MBOAT2: variants seen among roughly 807,000 people sequenced by gnomAD.
The protein encoded by MBOAT2 is membrane bound glycerophospholipid O-acyltransferase 2, also known as membrane-bound glycerophospholipid O-acyltransferase 2.
MBOAT2 carries 28 observed loss-of-function variants against 63.4 expected under a neutral mutation model. The ratio of observed to expected loss-of-function variants is 0.44; its 90% confidence interval spans 0.33 to 0.61. The LOEUF is 0.61. Ranked by LOEUF, MBOAT2 falls within the 20% of genes least tolerant of loss-of-function variation. The pLI is 0.03. For synonymous variants in MBOAT2, 211 were observed against 215.6 expected (o/e 0.98, Z 0.19); for missense variants, 470 against 605.8 (o/e 0.78, Z 2.35).
intron 1 of MBOAT2, among the ~76,000 whole-genome samples, chr2:8,970,234 C>T (rs1670347424): frequency 6.6e-6 from 1 of 152,206 alleles, no homozygotes; most frequent in African/African-American, 2.4e-5. Context: ...AACCACTAAA[C>T]TACATGGAAA....
chr2:8,897,532 T>C (rs1252537139), intron 4 of MBOAT2, among the ~76,000 whole-genome samples: 1 of 152,250 alleles, frequency 6.6e-6, no homozygotes, highest in Non-Finnish European at 1.5e-5. Context: ...TACACATTTA[T>C]TCTTTTTCCC....
At chr2:8,995,960 T>A (rs1466768482) in intron 1 of MBOAT2, among the ~76,000 whole-genome samples, 5 of 152,154 alleles carry the variant, frequency 3.3e-5, no homozygotes, top group African/African-American at 1.2e-4. Flanking sequence ...CTGTTATCTG[T>A]GATGGTGGTG....
chr2:8,984,977 T>C (rs2103346440), intron 1 of MBOAT2, among the ~76,000 whole-genome samples: 2 of 152,238 alleles, frequency 1.3e-5, no homozygotes, highest in South Asian at 4.1e-4. Flanking sequence ...AAAGAAAAGC[T>C]GGCGGCTACA....
chr2:8,957,238 T>C (rs747842969), intron 2 of MBOAT2, among the ~76,000 whole-genome samples: 1 of 152,200 alleles, frequency 6.6e-6, no homozygotes, highest in Non-Finnish European at 1.5e-5. Flanking sequence ...ATCAAAAGTT[T>C]GAAAAATATA....
At chr2:8,863,136 T>A (rs897361803) in intron 10 of MBOAT2, among the ~76,000 whole-genome samples, 7 of 152,180 alleles carry the variant, frequency 4.6e-5, no homozygotes, top group Non-Finnish European at 5.9e-5. Context: ...ACAATTCTTC[T>A]ATGACAGGGA....
intron 2 of MBOAT2, among the ~76,000 whole-genome samples, chr2:8,949,799 T>C (rs1313119220): frequency 6.6e-6 from 1 of 152,234 alleles, no homozygotes; most frequent in Non-Finnish European, 1.5e-5. Flanking sequence ...TCATTTTGCT[T>C]AAGATTGCTT....
At chr2:8,882,628 T>A in intron 5 of MBOAT2, 63 bp from the exon 6 acceptor site, 3 of 1,431,382 alleles carry the variant, frequency 2.1e-6, no homozygotes, top group South Asian at 1.1e-5. Context: ...TTTTTGCCCA[T>A]GCACACTTTC....
At chr2:8,994,127 T>C (rs1457187239) in intron 1 of MBOAT2, among the ~76,000 whole-genome samples, 1 of 152,178 alleles carries the variant, frequency 6.6e-6, no homozygotes, top group Non-Finnish European at 1.5e-5. Flanking sequence ...CCCTGCGGAC[T>C]CTAAACATGC....
At chr2:8,918,211 G>A (rs768796696) in intron 3 of MBOAT2, among the ~76,000 whole-genome samples, 3 of 152,110 alleles carry the variant, frequency 2.0e-5, no homozygotes, top group Non-Finnish European at 2.9e-5. Context: ...TAGATAAGTC[G>A]TACTTAAATA....
At chr2:8,887,016 C>T (rs1470203751) in intron 5 of MBOAT2, among the ~76,000 whole-genome samples, 1 of 152,152 alleles carries the variant, frequency 6.6e-6, no homozygotes, top group African/African-American at 2.4e-5. Context: ...AAAAAACCCT[C>T]CAAGCTGAAT....
chr2:8,938,807 C>T (rs1429426123), intron 3 of MBOAT2, among the ~76,000 whole-genome samples: 6 of 152,224 alleles, frequency 3.9e-5, no homozygotes, highest in Non-Finnish European at 7.3e-5. Flanking sequence ...CATGCCTCCA[C>T]GCCTCTGCCT....
At position 8,856,669 on chromosome 2, in the gene MBOAT2, C is replaced by T. The variant is rs1661106931; in HGVS notation, c.*2010G>A. The T allele has an allele frequency of 6.6e-6, 1 of 152,150 alleles. No individual in the cohort carries two copies. The highest frequency in any genetic ancestry group is 1.5e-5 in the Non-Finnish European group (1 of 68,094). The allele number at this position is 152,150 out of a possible 1,614,324, so 9.4% of individuals were successfully genotyped here. On this transcript the variant is annotated 3_prime_UTR_variant, in exon 13 of 13. Coordinates refer to ENST00000305997, the MANE Select transcript of MBOAT2 (RefSeq NM_138799.4). This position sits in a 1 kb window ranked among gnomAD's most constrained non-coding sequence, Gnocchi z 4.2. ...TCCCAGGTTCAAGCAATTCTCCTGCCTCAGCCTCCCAAGTAGCTGGGATTA... is the reference window on the plus strand; with the variant it reads ...TCCCAGGTTCAAGCAATTCTCCTGCTTCAGCCTCCCAAGTAGCTGGGATTA...
intron 2 of MBOAT2, among the ~76,000 whole-genome samples, chr2:8,955,568 G>A (rs1380123397): frequency 1.3e-5 from 2 of 152,128 alleles, no homozygotes; most frequent in Non-Finnish European, 2.9e-5. Context: ...GTACTATCGT[G>A]CTATTTCCAA....
At chr2:8,861,357 G>A (rs1661479595) in intron 11 of MBOAT2, among the ~76,000 whole-genome samples, 1 of 152,192 alleles carries the variant, frequency 6.6e-6, no homozygotes, top group South Asian at 2.1e-4. Context: ...GAAGGGAGGA[G>A]GGCAGTGGTA....
intron 1 of MBOAT2, among the ~76,000 whole-genome samples, chr2:8,964,245 G>A (rs1434550282): frequency 6.6e-6 from 1 of 152,174 alleles, no homozygotes; most frequent in Non-Finnish European, 1.5e-5. Flanking sequence ...TTTGCTACTT[G>A]TGTATTTTAC....
At chr2:8,978,195 C>A (rs1465375206) in intron 1 of MBOAT2, among the ~76,000 whole-genome samples, 1 of 152,082 alleles carries the variant, frequency 6.6e-6, no homozygotes, top group African/African-American at 2.4e-5. Context: ...CTCTCACTGG[C>A]TATATTCCAA....
intron 3 of MBOAT2, among the ~76,000 whole-genome samples, chr2:8,913,351 G>T (rs1665926528): frequency 6.6e-6 from 1 of 152,036 alleles, no homozygotes; most frequent in Non-Finnish European, 1.5e-5. Context: ...TATTTAAACT[G>T]AAGAGCTTTT....
intron 4 of MBOAT2, among the ~76,000 whole-genome samples, chr2:8,906,078 C>T (rs943792705): frequency 5.3e-5 from 8 of 151,894 alleles, no homozygotes; most frequent in Admixed American, 3.9e-4. Flanking sequence ...CCCACCTCAG[C>T]CTCCTGAGTA....
intron 8 of MBOAT2, 104 bp from the exon 9 acceptor site, chr2:8,868,653 A>G (rs978471759): frequency 1.0e-5 from 9 of 889,504 alleles, no homozygotes; most frequent in Non-Finnish European, 1.5e-5. Context: ...TTAAACAGTA[A>G]AAGTAGATTT....
Sources: gnomAD v4.1 joint callset for allele counts (sites outside exome capture counted in the v4.1 genomes callset) on GRCh38, gnomAD v4.1.1 for gene constraint, Gnocchi (gnomAD v3.1) non-coding constraint, MANE v1.5 for transcripts, NCBI Gene and HGNC (gene_info 2026-07-23, HGNC 2026-07-21) for gene names.